Variants in SLC11A2 observed in about 807,000 individuals in gnomAD.
SLC11A2 encodes natural resistance-associated macrophage protein 2.
SLC11A2 carries 38 observed loss-of-function variants against 68.0 expected under a neutral mutation model. That is an observed-to-expected ratio of 0.56 (90% CI 0.43 to 0.73). The LOEUF (loss-of-function observed/expected upper bound fraction) is 0.73, where lower values mean the gene tolerates loss of function less well. SLC11A2 is among the 30% of genes least tolerant of loss of function. The pLI is 0.00. For missense variants in SLC11A2, 517 were observed against 690.5 expected, an observed-to-expected ratio of 0.75 and a Z score of 2.82; for synonymous variants, 242 against 250.6, an observed-to-expected ratio of 0.97 and a Z score of 0.32.
chr12:51,026,470 T>A (rs994875348), upstream of SLC11A2: 29 of 720,260 alleles, frequency 4.0e-5, no homozygotes, highest in African/African-American at 7.5e-5. Flanking sequence ...GCGGCCGGGA[T>A]GCGTGGCCCG....
chr12:51,011,622 G>A (rs1943245890), intron 1 of SLC11A2, among the ~76,000 whole-genome samples: 1 of 149,176 alleles, frequency 6.7e-6, no homozygotes, highest in African/African-American at 2.5e-5. Flanking sequence ...GAGTGCAGTG[G>A]CACGATCTCA....
At chr12:50,995,514 A>C in intron 10 of SLC11A2, 115 bp downstream of exon 10, 146 of 1,100,426 alleles carry the variant, frequency 1.3e-4, no homozygotes, top group Non-Finnish European at 1.9e-4. Flanking sequence ...ACGAGAAGCT[A>C]GAGATTATTT....
the SLC11A2 span, among the ~76,000 whole-genome samples, chr12:50,965,349 G>A: frequency 1.3e-5 from 2 of 148,836 alleles, no homozygotes; most frequent in African/African-American, 5.0e-5. Flanking sequence ...TCTTCACCTG[G>A]TGGGCTCAAG....
chr12:50,958,144 G>C, the SLC11A2 span, among the ~76,000 whole-genome samples: 1 of 151,940 alleles, frequency 6.6e-6, no homozygotes, highest in Non-Finnish European at 1.5e-5. Context: ...TATTGGTAAA[G>C]ATGTCAATTC....
At chr12:50,991,304 C>T (rs1941125649) in intron 14 of SLC11A2, among the ~76,000 whole-genome samples, 1 of 152,128 alleles carries the variant, frequency 6.6e-6, no homozygotes, top group Admixed American at 6.6e-5. Context: ...TAACTTATGC[C>T]TTTTTTGTTA....
At chr12:50,974,536 T>C (rs1266733281), downstream of SLC11A2, among the ~76,000 whole-genome samples, 19 of 152,162 alleles carry the variant, frequency 1.2e-4, no homozygotes, top group Non-Finnish European at 2.4e-4. Context: ...TGCAAAAACA[T>C]GCCAAATTGT....
chr12:51,025,445 C>G, intron 1 of SLC11A2, among the ~76,000 whole-genome samples: 1 of 152,320 alleles, frequency 6.6e-6, no homozygotes, highest in Middle Eastern at 3.4e-3. Context: ...AGAAATCATG[C>G]GAACTGGTGG....
At chr12:51,008,285 T>G (rs11169663) in intron 3 of SLC11A2, 191 bp downstream of exon 3, 38 of 486,158 alleles carry the variant, frequency 7.8e-5, no homozygotes, top group South Asian at 1.1e-4. Flanking sequence ...CAGACAGAGA[T>G]AGATAGATAT....
At chr12:51,007,916 C>G (rs1246046824) in intron 3 of SLC11A2, among the ~76,000 whole-genome samples, 4 of 152,228 alleles carry the variant, frequency 2.6e-5, no homozygotes, top group Admixed American at 6.5e-5. Flanking sequence ...GCTGGGATTA[C>G]AGGTGTGAGC....
At chr12:51,010,513 C>CAAAA (rs369760115) in intron 2 of SLC11A2, among the ~76,000 whole-genome samples, 182 bp downstream of exon 2, 51 of 133,322 alleles carry the variant, frequency 3.8e-4, no homozygotes, top group East Asian at 1.3e-3. Context: ...GACTCCACCT[C>CAAAA]AAAAAAAAAA....
rs1398667309 is a variant in SLC11A2, at chr12:50,986,926, A to G, written c.*1399T>C. 1 of 1,287,122 alleles carries G rather than the reference A, an allele frequency of 7.8e-7. No individual in the cohort carries two copies. The highest frequency in any genetic ancestry group is 2.3e-5 in the Admixed American group (1 of 43,526). 79.7% of individuals were successfully genotyped at this position (1,287,122 alleles called of 1,614,324 possible). ...AACACCAATCAGCCAGGACTCTGGA[A>G]GGAAAGCTCCAAAAATGAGAAGTCC... On this transcript the variant is annotated 3_prime_UTR_variant, in exon 16 of 16. Coordinates refer to ENST00000262052, the MANE Select transcript of SLC11A2 (RefSeq NM_000617.3).
intron 1 of SLC11A2, among the ~76,000 whole-genome samples, chr12:51,017,113 A>C (rs1566036090): frequency 6.6e-6 from 1 of 152,126 alleles, no homozygotes. Context: ...TTGATCTAGC[A>C]ATTTTACTCC....
chr12:51,010,513 C>CAAAAA (rs369760115), intron 2 of SLC11A2, among the ~76,000 whole-genome samples, 182 bp downstream of exon 2: 5 of 133,372 alleles, frequency 3.7e-5, no homozygotes, highest in Admixed American at 2.3e-4. Flanking sequence ...GACTCCACCT[C>CAAAAA]AAAAAAAAAA....
Position 50,987,283 on chromosome 12 carries a change from G to A in SLC11A2, c.*1042C>T, listed in dbSNP as rs755867482. 9.3e-6 allele frequency: 12 copies of A among 1,287,084 alleles called. No individual in the cohort carries two copies. In the South Asian group the frequency reaches 1.2e-4, roughly 13 times the overall value. The allele number at this position is 1,287,084 out of a possible 1,614,324, so 79.7% of individuals were successfully genotyped here. On this transcript the variant is annotated 3_prime_UTR_variant, in exon 16 of 16. Coordinates refer to ENST00000262052, the MANE Select transcript of SLC11A2 (RefSeq NM_000617.3). ...TGCAGAGAACGCTGAGAAAGACAGT[G>A]TGCTTTGCAACGGTTAAGTCCACAG... is the stretch of plus-strand genomic sequence containing the variant.
chr12:50,987,128 T>C lies in SLC11A2; in HGVS notation c.*1197A>G. 7.8e-7 allele frequency: 1 copy of C among 1,283,610 alleles called. No homozygotes were observed. 79.5% of individuals were successfully genotyped at this position (1,283,610 alleles called of 1,614,324 possible). ...GCAGCTTTGTGCTGAAGACACCCAT[T>C]TCCTCTGACTCCAGAGCTCCACCAT... On this transcript the variant is annotated 3_prime_UTR_variant, in exon 16 of 16. Coordinates refer to ENST00000262052, the MANE Select transcript of SLC11A2 (RefSeq NM_000617.3).
intron 1 of SLC11A2, among the ~76,000 whole-genome samples, chr12:51,012,491 C>CTTA (rs1555223346): frequency 6.6e-6 from 1 of 152,198 alleles, no homozygotes; most frequent in Non-Finnish European, 1.5e-5. Flanking sequence ...TGAAGCCTCG[C>CTTA]TTAATGATCT....
At chr12:50,967,589 T>C in the SLC11A2 span, among the ~76,000 whole-genome samples, 1 of 152,106 alleles carries the variant, frequency 6.6e-6, no homozygotes, top group African/African-American at 2.4e-5. Context: ...TGGGTGATAA[T>C]TTAAGAAACT....
downstream of SLC11A2, chr12:50,979,839 G>A (rs1436139516): frequency 2.2e-6 from 1 of 454,082 alleles, no homozygotes; most frequent in Non-Finnish European, 4.4e-6. Context: ...AAGGCAGAGA[G>A]GTCATATATT....
rs1270290208 is a variant in SLC11A2 at position 51,026,360 on chromosome 12, A to T, written c.-89T>A. On this transcript the variant is annotated 5_prime_UTR_variant, in exon 1 of 16. It removes an upstream start codon present in the reference 5' UTR. Coordinates refer to ENST00000262052, the MANE Select transcript of SLC11A2 (RefSeq NM_000617.3). Reference sequence around the variant, plus strand: ...ACGCCGCCCCCGCGCCCAGGGCTCCATATTCCGGGAGCCAGCGCCACGCTG... The same window carrying T: ...ACGCCGCCCCCGCGCCCAGGGCTCCTTATTCCGGGAGCCAGCGCCACGCTG... The T allele has an allele frequency of 7.0e-6, 9 of 1,281,550 alleles. No individual in the cohort carries two copies. In the South Asian group the frequency reaches 9.9e-5, roughly 14 times the overall value. 79.4% of individuals were successfully genotyped at this position (1,281,550 alleles called of 1,614,324 possible). A position where few individuals can be genotyped will look rare whatever the true frequency, so the allele number is the denominator to read the frequency against.
Sources: gnomAD v4.1 joint callset for allele counts (sites outside exome capture counted in the v4.1 genomes callset) on GRCh38, gnomAD v4.1.1 for gene constraint, MANE v1.5 for transcripts, NCBI Gene and HGNC (gene_info 2026-07-23, HGNC 2026-07-21) for gene names.